The following PCSK5 variants were observed in gnomAD, a reference collection of about 807,000 sequenced individuals.
PCSK5 encodes prohormone convertase 5.
PCSK5 carries 129 observed loss-of-function variants against 233.2 expected under a neutral mutation model. The observed-to-expected ratio is 0.55, with a 90% CI of 0.48 to 0.64. The LOEUF (loss-of-function observed/expected upper bound fraction) is 0.64. PCSK5 is among the 30% of genes least tolerant of loss of function. PCSK5 has a pLI of 0.00. For synonymous variants in PCSK5, 825 were observed against 879.2 expected (o/e 0.94, Z 1.09); for missense variants, 2,076 against 2,430.1 (o/e 0.85, Z 3.06).
At chr9:76,142,650 G>C (rs149896490) in intron 10 of PCSK5, among the ~76,000 whole-genome samples, 1 of 152,232 alleles carries the variant, frequency 6.6e-6, no homozygotes, top group South Asian at 2.1e-4. Context: ...TAATAATTCT[G>C]TTCAGAGTTT....
intron 8 of PCSK5, among the ~76,000 whole-genome samples, chr9:76,104,920 G>A (rs1169826251): frequency 6.6e-6 from 1 of 152,190 alleles, no homozygotes; most frequent in Non-Finnish European, 1.5e-5. Flanking sequence ...GCTACTTCTG[G>A]TGTGTTCATG....
intron 5 of PCSK5, among the ~76,000 whole-genome samples, chr9:76,060,230 A>G (rs568432701): frequency 3.3e-5 from 5 of 152,320 alleles, no homozygotes; most frequent in African/African-American, 1.2e-4. Context: ...ACTTCCCCCA[A>G]ACTTAACTAC....
chr9:76,254,473 T>TA (rs76446171), intron 24 of PCSK5, among the ~76,000 whole-genome samples: 5,463 of 143,150 alleles, frequency 0.038, 136 homozygotes, highest in African/African-American at 0.078. Flanking sequence ...AGTCACTATT[T>TA]AAAAAAAAAA....
intron 3 of PCSK5, among the ~76,000 whole-genome samples, chr9:76,002,397 A>G (rs554180011): frequency 6.6e-6 from 1 of 152,290 alleles, no homozygotes; most frequent in Non-Finnish European, 1.5e-5. Flanking sequence ...ATTTTTTTGC[A>G]TGCAAATGAA....
intron 2 of PCSK5, among the ~76,000 whole-genome samples, chr9:75,952,472 A>G (rs533941230): frequency 2.0e-5 from 3 of 152,310 alleles, no homozygotes; most frequent in Non-Finnish European, 2.9e-5. Context: ...GGTTTAATTT[A>G]TATATGGTAA....
chr9:75,968,933 C>A (rs572445430), intron 2 of PCSK5, among the ~76,000 whole-genome samples: 47 of 150,314 alleles, frequency 3.1e-4, no homozygotes, highest in Non-Finnish European at 5.2e-4. Flanking sequence ...CTAAACATGG[C>A]CTTGGTGTCC....
chr9:76,053,856 G>A (rs1051336854), intron 5 of PCSK5, among the ~76,000 whole-genome samples: 5 of 152,100 alleles, frequency 3.3e-5, no homozygotes, highest in African/African-American at 1.2e-4. Flanking sequence ...ACAGTTTCGG[G>A]TATCTTTACA....
intron 10 of PCSK5, among the ~76,000 whole-genome samples, chr9:76,144,102 G>A (rs1449991573): frequency 6.6e-6 from 1 of 152,048 alleles, no homozygotes; most frequent in Non-Finnish European, 1.5e-5. Flanking sequence ...GTTTATAAAT[G>A]ACTTTTCCTC....
intron 24 of PCSK5, among the ~76,000 whole-genome samples, chr9:76,266,998 A>C (rs1189460291): frequency 1.3e-5 from 2 of 152,184 alleles, no homozygotes; most frequent in African/African-American, 4.8e-5. Flanking sequence ...ATAAGGAAAA[A>C]TGCTGAATTA....
At chr9:75,936,856 C>G (rs372755054) in intron 2 of PCSK5, among the ~76,000 whole-genome samples, 4 of 152,192 alleles carry the variant, frequency 2.6e-5, no homozygotes, top group African/African-American at 9.7e-5. Flanking sequence ...AGAGGAAACA[C>G]TATCTATCAG....
At chr9:75,951,791 A>C (rs4639581) in intron 2 of PCSK5, among the ~76,000 whole-genome samples, 1 of 151,642 alleles carries the variant, frequency 6.6e-6, no homozygotes, top group African/African-American at 2.4e-5. Context: ...ACAGTGTAAC[A>C]ACTATTTACA....
intron 24 of PCSK5, among the ~76,000 whole-genome samples, chr9:76,281,874 C>T (rs1243505766): frequency 6.6e-6 from 1 of 151,508 alleles, no homozygotes; most frequent in African/African-American, 2.4e-5. Context: ...GTCTTGAACT[C>T]CTGAGCTCAA....
intron 11 of PCSK5, 83 bp downstream of exon 11, chr9:76,157,245 C>A (rs901676584): frequency 2.5e-5 from 21 of 842,736 alleles, no homozygotes; most frequent in South Asian, 2.3e-4. Context: ...CCTCTTGTTG[C>A]ACACAGAAGC....
intron 1 of PCSK5, among the ~76,000 whole-genome samples, chr9:75,918,033 A>G (rs1823079741): frequency 6.6e-6 from 1 of 152,208 alleles, no homozygotes; most frequent in Admixed American, 6.5e-5. Context: ...AGTTTTCCTC[A>G]AGATAGTTTC....
At chr9:76,283,069 T>A (rs1238657487) in intron 24 of PCSK5, among the ~76,000 whole-genome samples, 1 of 152,194 alleles carries the variant, frequency 6.6e-6, no homozygotes, top group African/African-American at 2.4e-5. Flanking sequence ...TTGGTTCTTA[T>A]GGTTGAGCAA....
intron 5 of PCSK5, among the ~76,000 whole-genome samples, chr9:76,030,153 A>C (rs1265706568): frequency 1.9e-5 from 2 of 107,804 alleles, no homozygotes; most frequent in African/African-American, 3.0e-5. Context: ...TACTTTAAGC[A>C]AAAAAAAAAA....
At chr9:75,973,537 GCC>G (rs1825889050) in intron 2 of PCSK5, among the ~76,000 whole-genome samples, 1 of 152,150 alleles carries the variant, frequency 6.6e-6, no homozygotes, top group Admixed American at 6.5e-5. Flanking sequence ...CACTAGCATA[GCC>G]ACTGTGGGGA....
At chr9:76,063,067 C>T (rs1830088004) in intron 5 of PCSK5, among the ~76,000 whole-genome samples, 1 of 152,102 alleles carries the variant, frequency 6.6e-6, no homozygotes. Context: ...CTGCTCCTGG[C>T]TGATGTCACT....
At chr9:76,299,299 A>C (rs1439390603) in intron 27 of PCSK5, among the ~76,000 whole-genome samples, 1 of 152,172 alleles carries the variant, frequency 6.6e-6, no homozygotes, top group African/African-American at 2.4e-5. Context: ...AAATGTATAG[A>C]TCATCCCCAG....
Sources: allele counts gnomAD v4.1 joint callset (sites outside exome capture counted in the v4.1 genomes callset), GRCh38; gene constraint gnomAD v4.1.1; transcripts MANE v1.5; gene names NCBI Gene and HGNC (gene_info 2026-07-23, HGNC 2026-07-21).